Variants in XRCC5 observed in about 807,000 individuals in gnomAD.
The protein encoded by XRCC5 is DNA repair protein Ku80.
Under a neutral mutation model 95.7 loss-of-function variants are expected in XRCC5, and 12 were observed. The observed-to-expected ratio is 0.13, with a 90% confidence interval of 0.08 to 0.20. The LOEUF (loss-of-function observed/expected upper bound fraction) is 0.20. XRCC5 is among the 10% of genes least tolerant of loss of function. The probability of loss-of-function intolerance (pLI) is 1.00; values close to 1 mark genes in which losing one functional copy is unlikely to be tolerated. For synonymous variants in XRCC5, 281 were observed against 290.3 expected, an observed-to-expected ratio of 0.97 and a Z score of 0.33; for missense variants, 595 against 873.9, an observed-to-expected ratio of 0.68 and a Z score of 4.02.
intron 14 of XRCC5, among the ~76,000 whole-genome samples, chr2:216,149,025 T>G (rs1429192426): frequency 1.3e-5 from 2 of 152,232 alleles, no homozygotes; most frequent in Non-Finnish European, 2.9e-5. Context: ...CAAGCTGGAA[T>G]AATCTATACA....
chr2:216,148,490 C>T (rs1016071243), intron 14 of XRCC5, among the ~76,000 whole-genome samples: 2 of 152,176 alleles, frequency 1.3e-5, no homozygotes, highest in African/African-American at 4.8e-5. Context: ...GGATTTAGAG[C>T]TACCTTCTGG....
intron 16 of XRCC5, chr2:216,175,648 T>C (rs1574479306): frequency 2.4e-6 from 1 of 413,462 alleles, no homozygotes; most frequent in East Asian, 6.2e-5. Flanking sequence ...GCAAAAATGT[T>C]CTTCACTGTT....
chr2:216,175,347 C>T, intron 16 of XRCC5: 1 of 467,478 alleles, frequency 2.1e-6, no homozygotes, highest in South Asian at 1.6e-5. Context: ...TTACTTGCAC[C>T]ACTTCCAGAG....
At chr2:216,167,570 T>TGTG (rs1689074451) in intron 16 of XRCC5, among the ~76,000 whole-genome samples, 1 of 138,396 alleles carries the variant, frequency 7.2e-6, no homozygotes, top group African/African-American at 2.6e-5. Flanking sequence ...GTGTGTGGGT[T>TGTG]TGTGTGTGTG....
chr2:216,204,623 A>G (rs911134905), intron 20 of XRCC5, among the ~76,000 whole-genome samples: 1 of 152,228 alleles, frequency 6.6e-6, no homozygotes, highest in African/African-American at 2.4e-5. Flanking sequence ...TTGTTCATTC[A>G]GATTAATCCT....
intron 18 of XRCC5, among the ~76,000 whole-genome samples, chr2:216,194,070 A>G (rs1689670112): frequency 6.6e-6 from 1 of 152,234 alleles, no homozygotes; most frequent in African/African-American, 2.4e-5. Context: ...GCGTAGTTCC[A>G]TATTGGGCAC....
Position 216,109,420 on chromosome 2 carries a change from G to C in XRCC5, c.-17G>C. The C allele has an allele frequency of 1.2e-6, 2 of 1,613,966 alleles. No homozygotes were observed. The highest frequency in any genetic ancestry group is 1.7e-6 in the Non-Finnish European group (2 of 1,179,924). Reference sequence around the variant, plus strand: ...CCCGCCCGGAAGAAGCGACCAAAGCGCCTGAGGACCGGCAACATGGTGCGG... The same window carrying C: ...CCCGCCCGGAAGAAGCGACCAAAGCCCCTGAGGACCGGCAACATGGTGCGG... On this transcript the variant is annotated 5_prime_UTR_variant, in exon 1 of 21. Coordinates refer to ENST00000392132, the MANE Select transcript of XRCC5 (RefSeq NM_021141.4).
chr2:216,197,591 GCATAGTGTTTC>G, intron 19 of XRCC5, among the ~76,000 whole-genome samples: 1 of 152,270 alleles, frequency 6.6e-6, no homozygotes, highest in East Asian at 1.9e-4. Flanking sequence ...TCCTTTTAGA[GCATAGTGTTTC>G]CATAGTCAAG....
intron 4 of XRCC5, 138 bp downstream of exon 4, chr2:216,117,932 A>G (rs1349801057): frequency 2.2e-6 from 2 of 890,648 alleles, no homozygotes; most frequent in Admixed American, 2.0e-5. Context: ...TATAGAATTG[A>G]ATGGTTCAGT....
At chr2:216,182,092 C>T (rs1161379346) in intron 16 of XRCC5, among the ~76,000 whole-genome samples, 2 of 152,186 alleles carry the variant, frequency 1.3e-5, no homozygotes, top group Non-Finnish European at 2.9e-5. Context: ...CTTGAGGCAT[C>T]CTAGAAGACT....
At position 216,138,198 on chromosome 2, in the gene XRCC5, A is replaced by G. The variant is rs763696952; in HGVS notation, c.1342+19A>G. ...CCCACCGGTGAGTTTGTTTTCATTT[A>G]GATCACTCATTGACTACACACACTG... On this transcript the variant is annotated intron_variant, in intron 12 of 20. Transcript: ENST00000392132. The G allele has an allele frequency of 1.2e-6, 2 of 1,601,050 alleles. No homozygotes were observed. Among genetic ancestry groups the G allele is most frequent in the Middle Eastern group, 1.7e-4 (1 of 6,040 alleles).
chr2:216,131,054 G>C, intron 9 of XRCC5, 67 bp downstream of exon 9: 1 of 1,460,832 alleles, frequency 6.8e-7, no homozygotes, highest in Non-Finnish European at 9.3e-7. Context: ...GCTTTTGATT[G>C]GTCATTTTAT....
intron 14 of XRCC5, among the ~76,000 whole-genome samples, chr2:216,150,545 G>T (rs1182978323): frequency 6.6e-6 from 1 of 152,142 alleles, no homozygotes; most frequent in Non-Finnish European, 1.5e-5. Context: ...TGTCCTCAAG[G>T]TACAAACCCG....
intron 19 of XRCC5, among the ~76,000 whole-genome samples, chr2:216,195,392 C>CTTTTCTTTTCTTTTCTTTTCTA (rs1689700660): frequency 2.1e-5 from 1 of 48,502 alleles, no homozygotes; most frequent in African/African-American, 6.7e-5. Flanking sequence ...TTTCTTTTCT[C>CTTTTCTTTTCTTTTCTTTTCTA]TTTCTTTTCT....
Position 216,205,309 on chromosome 2 carries a change from A to G in XRCC5, c.*107A>G, listed in dbSNP as rs908244564. The G allele has an allele frequency of 7.2e-7, 1 of 1,389,614 alleles. No homozygotes were observed. Among genetic ancestry groups the G allele is most frequent in the African/African-American group, 1.4e-5 (1 of 70,146 alleles). The allele number at this position is 1,389,614 out of a possible 1,614,324, so 86.1% of individuals were successfully genotyped here. A position where few individuals can be genotyped will look rare whatever the true frequency, so the allele number is the denominator to read the frequency against. On this transcript the variant is annotated 3_prime_UTR_variant, in exon 21 of 21. Transcript: ENST00000392132. ...TTCAAGGGGAGCCAAAATCTCAAGA[A>G]ATTCCCAGCAGGTTACCTGGAGGCG...
chr2:216,197,285 G>A (rs570367418), intron 19 of XRCC5, among the ~76,000 whole-genome samples: 1 of 152,094 alleles, frequency 6.6e-6, no homozygotes, highest in South Asian at 2.1e-4. Context: ...GTATAAGATG[G>A]TGTCCTTAGA....
At position 216,186,331 on chromosome 2, in the gene XRCC5, T is replaced by C. The variant is rs374799469; in HGVS notation, c.1835-3894T>C. 3.3e-5 allele frequency among the ~76,000 whole-genome samples: 5 copies of C among 152,202 alleles called. No homozygotes were observed. The South Asian group carries it at 1.0e-3, about 32-fold the overall frequency. Reference sequence around the variant, plus strand: ...AGGTGTAGTCCATTTTATAGGACTTTGGGTGGTGTTGAATGTATTCAGTAG... The same window carrying C: ...AGGTGTAGTCCATTTTATAGGACTTCGGGTGGTGTTGAATGTATTCAGTAG... On this transcript the variant is annotated intron_variant, in intron 16 of 20. Transcript: ENST00000392132.
intron 14 of XRCC5, among the ~76,000 whole-genome samples, chr2:216,153,756 C>T (rs560820397): frequency 4.5e-4 from 69 of 152,212 alleles, no homozygotes; most frequent in Non-Finnish European, 9.6e-4. Context: ...GTACTTCAAA[C>T]TGTAATGCCA....
intron 14 of XRCC5, among the ~76,000 whole-genome samples, chr2:216,151,035 C>T (rs970010998): frequency 6.6e-6 from 1 of 152,148 alleles, no homozygotes; most frequent in African/African-American, 2.4e-5. Context: ...TTGACCAAAA[C>T]GTCATTCCGT....
Sources: gnomAD v4.1 joint callset for allele counts (sites outside exome capture counted in the v4.1 genomes callset) on GRCh38, gnomAD v4.1.1 for gene constraint, MANE v1.5 for transcripts, NCBI Gene and HGNC (gene_info 2026-07-23, HGNC 2026-07-21) for gene names.